PLEKHA3: variants seen among roughly 807,000 people sequenced by gnomAD.
PLEKHA3 encodes pleckstrin homology domain containing A3, also known as pleckstrin homology domain-containing family A member 3.
PLEKHA3 carries 19 observed loss-of-function variants against 39.2 expected under a neutral mutation model. The observed-to-expected ratio is 0.48, with a 90% CI of 0.34 to 0.71. The LOEUF is 0.71. PLEKHA3 is among the 30% of genes least tolerant of loss of function. The probability of loss-of-function intolerance (pLI) is 0.01; values close to 1 mark genes in which losing one functional copy is unlikely to be tolerated. For synonymous variants in PLEKHA3, 97 were observed against 118.6 expected (o/e 0.82, Z 1.18); for missense variants, 253 against 359.5 (o/e 0.70, Z 2.40).
rs149070950 is a variant in PLEKHA3 at position 178,480,999 on chromosome 2, C to T, written c.40+90C>T. On this transcript the variant is annotated intron_variant, in intron 1 of 7. Coordinates refer to ENST00000234453, the MANE Select transcript of PLEKHA3 (RefSeq NM_019091.4). Reference sequence around the variant, plus strand: ...GGCTCCTCTTCCTCCGTCTGGCCTCCGCGGACCCTCAGAGCGAATTCGCTC... The same window carrying T: ...GGCTCCTCTTCCTCCGTCTGGCCTCTGCGGACCCTCAGAGCGAATTCGCTC... 1,218 of 1,183,526 alleles carry T rather than the reference C, an allele frequency of 1.0e-3. 20 individuals carry two copies. The South Asian group carries it at 0.019, about 18-fold the overall frequency. The allele number at this position is 1,183,526 out of a possible 1,614,324, so 73.3% of individuals were successfully genotyped here.
At chr2:178,495,747 G>A in intron 5 of PLEKHA3, 87 bp downstream of exon 5, 1 of 1,415,974 alleles carries the variant, frequency 7.1e-7, no homozygotes, top group Non-Finnish European at 9.6e-7. Context: ...TTTAAGGGTG[G>A]AAGCAGGCAG....
At chr2:178,485,790 G>A (rs1685239973) in intron 2 of PLEKHA3, 33 bp downstream of exon 2, 2 of 1,508,922 alleles carry the variant, frequency 1.3e-6, no homozygotes, top group Non-Finnish European at 1.8e-6. Flanking sequence ...AGGAATTGGA[G>A]GTTAGATAGT....
chr2:178,503,642 A>G, intron 7 of PLEKHA3, 118 bp from the exon 8 acceptor site: 1 of 1,085,328 alleles, frequency 9.2e-7, no homozygotes, highest in Non-Finnish European at 1.3e-6. Context: ...GAAATACAAA[A>G]TTAGCCAGAA....
At chr2:178,492,513 C>G (rs1335268626) in intron 3 of PLEKHA3, among the ~76,000 whole-genome samples, 1 of 150,012 alleles carries the variant, frequency 6.7e-6, no homozygotes, top group Non-Finnish European at 1.5e-5. Context: ...GGTAGATATA[C>G]CTAATGCTAG....
intron 6 of PLEKHA3, among the ~76,000 whole-genome samples, chr2:178,499,539 A>C (rs962224841): frequency 6.6e-6 from 1 of 152,142 alleles, no homozygotes; most frequent in African/African-American, 2.4e-5. Flanking sequence ...TATATTGAAG[A>C]ATGACTTTTC....
chr2:178,506,985 A>G lies in PLEKHA3; in HGVS notation c.*3098A>G, dbSNP rs978080299. The G allele has an allele frequency of 1.1e-4, 16 of 151,922 alleles. No individual in the cohort carries two copies. The highest frequency in any genetic ancestry group is 3.6e-4 in the African/African-American group (15 of 41,326). 9.4% of individuals were successfully genotyped at this position (151,922 alleles called of 1,614,324 possible). A position where few individuals can be genotyped will look rare whatever the true frequency, so the allele number is the denominator to read the frequency against. On this transcript the variant is annotated 3_prime_UTR_variant, in exon 8 of 8. Transcript: ENST00000234453. ...TTTTAATTTTAGCTTTCTTTTTATT[A>G]AACTAGTTAATGTACATAGTTTGAA...
At chr2:178,503,653 G>T in intron 7 of PLEKHA3, 107 bp from the exon 8 acceptor site, 3 of 1,199,578 alleles carry the variant, frequency 2.5e-6, no homozygotes, top group Non-Finnish European at 3.4e-6. Flanking sequence ...TTAGCCAGAA[G>T]CTAAAGGAAT....
chr2:178,491,497 G>A (rs1038339357), intron 3 of PLEKHA3, among the ~76,000 whole-genome samples: 1 of 152,226 alleles, frequency 6.6e-6, no homozygotes, highest in Non-Finnish European at 1.5e-5. Context: ...ACCTTTGGAA[G>A]TGGAATTTGT....
At chr2:178,482,539 C>T (rs529801647) in intron 1 of PLEKHA3, among the ~76,000 whole-genome samples, 14 of 132,686 alleles carry the variant, frequency 1.1e-4, no homozygotes, top group East Asian at 4.8e-4. Context: ...GCTAACAGAG[C>T]GAGATCCTGT....
rs1008247936 is a variant in PLEKHA3 at position 178,514,208 on chromosome 2, T to C, written c.*10321T>C. 1.3e-5 allele frequency: 2 copies of C among 152,026 alleles called. No individual in the cohort carries two copies. Among genetic ancestry groups the C allele is most frequent in the African/African-American group, 4.8e-5 (2 of 41,362 alleles). 9.4% of individuals were successfully genotyped at this position (152,026 alleles called of 1,614,324 possible). A position where few individuals can be genotyped will look rare whatever the true frequency, so the allele number is the denominator to read the frequency against. ...TAGCAAACTGCCTTTTTTTTTTTTTTTAACTCCTGTGTCATCTCTGATGTT... is the reference window on the plus strand; with the variant it reads ...TAGCAAACTGCCTTTTTTTTTTTTTCTAACTCCTGTGTCATCTCTGATGTT... On this transcript the variant is annotated 3_prime_UTR_variant, in exon 8 of 8. Coordinates refer to ENST00000234453, the MANE Select transcript of PLEKHA3 (RefSeq NM_019091.4).
rs1465966829 is a variant in PLEKHA3 at position 178,514,049 on chromosome 2, TG to T, written c.*10166del. ...AGCCTCTTGCAATGGTGCCTCATCT[TG>T]GGGAGGCTTTAGAACACAGCTCTCA... On this transcript the variant is annotated 3_prime_UTR_variant, in exon 8 of 8. Coordinates refer to ENST00000234453, the MANE Select transcript of PLEKHA3 (RefSeq NM_019091.4). The T allele has an allele frequency of 5.3e-5, 8 of 152,118 alleles. No individual in the cohort carries two copies. Among genetic ancestry groups the T allele is most frequent in the Non-Finnish European group, 4.4e-5 (3 of 68,032 alleles). 9.4% of individuals were successfully genotyped at this position (152,118 alleles called of 1,614,324 possible).
At chr2:178,494,043 G>A in intron 4 of PLEKHA3, 54 bp downstream of exon 4, 2 of 1,546,166 alleles carry the variant, frequency 1.3e-6, no homozygotes, top group South Asian at 2.5e-5. Context: ...TACTCTGGGG[G>A]GATCCTCAGT....
Position 178,513,400 on chromosome 2 carries a change from A to G in PLEKHA3, c.*9513A>G, listed in dbSNP as rs940177815. On this transcript the variant is annotated 3_prime_UTR_variant, in exon 8 of 8. Transcript: ENST00000234453. ...TTTTTTTGTGTGTGACAGTTGAACA[A>G]TTCTGACCCCTATTATTGTTGGCTG... 6.6e-6 allele frequency: 1 copy of G among 152,174 alleles called. No individual in the cohort carries two copies. The highest frequency in any genetic ancestry group is 2.4e-5 in the African/African-American group (1 of 41,430). The allele number at this position is 152,174 out of a possible 1,614,324, so 9.4% of individuals were successfully genotyped here. A position where few individuals can be genotyped will look rare whatever the true frequency, so the allele number is the denominator to read the frequency against.
Position 178,485,681 on chromosome 2 carries a change from A to G in PLEKHA3, c.81A>G (p.Leu27=), listed in dbSNP as rs369687439. 3.5e-5 allele frequency: 56 copies of G among 1,613,726 alleles called. No individual in the cohort carries two copies. The highest frequency in any genetic ancestry group is 3.3e-4 in the Middle Eastern group (2 of 5,972). ...PRWFVLDNGI[L]SYYDSQDDVC... ...GGTTTGTTTTAGATAATGGAATCTT[A>G]TCCTACTATGATTCACAAGATGATG... Residue 27 remains leucine (L), a synonymous_variant, in exon 2 of 8, where the codon TTA becomes TTG. Transcript: ENST00000234453.
At chr2:178,503,649 A>G (rs1025974516) in intron 7 of PLEKHA3, 111 bp from the exon 8 acceptor site, 2 of 1,156,448 alleles carry the variant, frequency 1.7e-6, no homozygotes, top group African/African-American at 3.1e-5. Context: ...AAAATTAGCC[A>G]GAAGCTAAAG....
In PLEKHA3 at chr2:178,507,657, GGTTTTTTTTTTTTT is replaced by G; in HGVS notation, c.*3771_*3784del. 4.3e-5 allele frequency: 1 copy of G among 23,124 alleles called. No homozygotes were observed. Among genetic ancestry groups the G allele is most frequent in the Non-Finnish European group, 1.1e-4 (1 of 8,788 alleles). 1.4% of individuals were successfully genotyped at this position (23,124 alleles called of 1,614,324 possible). A position where few individuals can be genotyped will look rare whatever the true frequency, so the allele number is the denominator to read the frequency against. On this transcript the variant is annotated 3_prime_UTR_variant, in exon 8 of 8. Coordinates refer to ENST00000234453, the MANE Select transcript of PLEKHA3 (RefSeq NM_019091.4). Reference sequence around the variant, plus strand: ...CCCTTTAGTTTTTAGTCTCACATTAGGTTTTTTTTTTTTTTTTTTTTTTTTTTTTTTTTTTTTGG... The same window carrying G: ...CCCTTTAGTTTTTAGTCTCACATTAGTTTTTTTTTTTTTTTTTTTTTTTGG...
At chr2:178,503,329 G>A (rs983569121) in intron 7 of PLEKHA3, among the ~76,000 whole-genome samples, 2 of 151,936 alleles carry the variant, frequency 1.3e-5, no homozygotes, top group African/African-American at 4.8e-5. Flanking sequence ...GTTACCAATT[G>A]TGTGATCTTG....
chr2:178,481,484 TGAG>T (rs1371293620), intron 1 of PLEKHA3, among the ~76,000 whole-genome samples: 1 of 152,128 alleles, frequency 6.6e-6, no homozygotes, highest in East Asian at 1.9e-4. Flanking sequence ...TTCTGTTAAC[TGAG>T]AAATAGTGGA....
intron 1 of PLEKHA3, among the ~76,000 whole-genome samples, chr2:178,481,608 C>G (rs368495457): frequency 2.2e-3 from 332 of 152,258 alleles, no homozygotes; most frequent in African/African-American, 7.8e-3. Flanking sequence ...GGCCCCTTAC[C>G]ATGACATTGG....
Sources: allele counts gnomAD v4.1 joint callset (sites outside exome capture counted in the v4.1 genomes callset), GRCh38; gene constraint gnomAD v4.1.1; transcripts MANE v1.5; gene names NCBI Gene and HGNC (gene_info 2026-07-23, HGNC 2026-07-21).